Variants in TNIP2 observed in about 807,000 individuals in gnomAD.
TNIP2 encodes TNFAIP3-interacting protein 2.
In TNIP2, 30 loss-of-function variants were observed where a neutral mutation model predicts 43.7. That is an observed-to-expected ratio of 0.69 (90% CI 0.51 to 0.93). TNIP2 has a LOEUF of 0.93. Among genes scored for constraint, TNIP2 ranks in the 40% least tolerant of loss-of-function variants. The pLI is 0.00. For synonymous variants in TNIP2, 260 were observed against 254.6 expected (o/e 1.02, Z -0.20); for missense variants, 599 against 591.0 (o/e 1.01, Z -0.14).
intron 1 of TNIP2, among the ~76,000 whole-genome samples, chr4:2,748,853 G>A (rs1405582793): frequency 6.7e-6 from 1 of 150,062 alleles, no homozygotes; most frequent in African/African-American, 2.5e-5. Flanking sequence ...GAGTGCAGTG[G>A]CACAATCATG....
chr4:2,745,395 AC>A, intron 3 of TNIP2, 50 bp downstream of exon 3: 1 of 1,381,274 alleles, frequency 7.2e-7, no homozygotes, highest in African/African-American at 1.4e-5. Context: ...ACCCTCACTT[AC>A]AGTTTGTAAG....
chr4:2,743,254 A>T (rs1253661645), intron 5 of TNIP2, among the ~76,000 whole-genome samples: 2 of 152,036 alleles, frequency 1.3e-5, no homozygotes, highest in Non-Finnish European at 2.9e-5. Context: ...TTGAAAGGGA[A>T]CCAGAGGCCA....
Position 2,744,326 on chromosome 4 carries a change from C to T in TNIP2, c.1026+61G>A, listed in dbSNP as rs1212255507. The stretch of plus-strand genomic sequence containing the variant: ...GGCAGACACAGAAAGGCTCTAATCT[C>T]ATGAGAAGAGAAACAAAAACACTAA... On this transcript the variant is annotated intron_variant, in intron 5 of 5. Transcript: ENST00000315423. This position sits in a 1 kb window ranked among gnomAD's most constrained non-coding sequence, Gnocchi z 5.1. The T allele has an allele frequency of 1.2e-6, 2 of 1,608,052 alleles. No individual in the cohort carries two copies. The highest frequency in any genetic ancestry group is 3.4e-5 in the Admixed American group (2 of 59,652).
intron 2 of TNIP2, among the ~76,000 whole-genome samples, chr4:2,747,181 C>G (rs76167779): frequency 8.7e-4 from 133 of 152,370 alleles, no homozygotes; most frequent in African/African-American, 3.1e-3. Context: ...CCTGCATGCA[C>G]TCAGACACAC....
chr4:2,747,489 T>C, intron 2 of TNIP2, 166 bp downstream of exon 2: 2 of 733,306 alleles, frequency 2.7e-6, no homozygotes, highest in Non-Finnish European at 4.5e-6. Flanking sequence ...TCCATCATTT[T>C]AAAAGAAACC....
At chr4:2,755,932 C>T in intron 1 of TNIP2, 82 bp downstream of exon 1, 1 of 1,418,446 alleles carries the variant, frequency 7.0e-7, no homozygotes, top group Non-Finnish European at 9.1e-7. Flanking sequence ...GGACCCGGGG[C>T]CCGCTCGCTC....
intron 3 of TNIP2, 192 bp downstream of exon 3, chr4:2,745,254 G>T: frequency 3.3e-6 from 2 of 611,700 alleles, no homozygotes; most frequent in Non-Finnish European, 5.8e-6. Flanking sequence ...TTAATTTTAG[G>T]GGGATGGAGA....
At chr4:2,755,689 ATC>A (rs1722215794) in intron 1 of TNIP2, among the ~76,000 whole-genome samples, 1 of 40,966 alleles carries the variant, frequency 2.4e-5, no homozygotes, top group Admixed American at 3.2e-4. Flanking sequence ...CTGTTGCCCT[ATC>A]ACCCCCAGGA....
At position 2,744,309 on chromosome 4, in the gene TNIP2, CAGAA is replaced by C; in HGVS notation, c.1026+74_1026+77del. The C allele has an allele frequency of 6.3e-7, 1 of 1,579,014 alleles. No homozygotes were observed. Among genetic ancestry groups the C allele is most frequent in the Non-Finnish European group, 8.6e-7 (1 of 1,156,290 alleles). On this transcript the variant is annotated intron_variant, in intron 5 of 5. Coordinates refer to ENST00000315423, the MANE Select transcript of TNIP2 (RefSeq NM_024309.4). The surrounding 1 kb of genome is among the most constrained non-coding windows in gnomAD (Gnocchi z 5.1). The stretch of plus-strand genomic sequence containing the variant: ...CAGCAAATCAGGGCCTTGGCAGACA[CAGAA>C]AGGCTCTAATCTCATGAGAAGAGAA...
chr4:2,751,116 G>T (rs540433314), intron 1 of TNIP2, among the ~76,000 whole-genome samples: 24 of 152,320 alleles, frequency 1.6e-4, no homozygotes, highest in African/African-American at 5.8e-4. Context: ...TCCAGCCCCC[G>T]GGCTTCTGGC....
intron 1 of TNIP2, among the ~76,000 whole-genome samples, chr4:2,754,606 T>C (rs1722181827): frequency 6.6e-6 from 1 of 152,206 alleles, no homozygotes. Flanking sequence ...TTAGTAGAGA[T>C]GGGTTTTCAC....
intron 1 of TNIP2, among the ~76,000 whole-genome samples, chr4:2,749,096 C>T (rs1289723772): frequency 6.6e-6 from 1 of 152,148 alleles, no homozygotes; most frequent in Non-Finnish European, 1.5e-5. Flanking sequence ...CTGCCAAATT[C>T]TATTTTCACA....
chr4:2,754,590 G>C (rs1722181304), intron 1 of TNIP2, among the ~76,000 whole-genome samples: 2 of 152,174 alleles, frequency 1.3e-5, no homozygotes, highest in African/African-American at 2.4e-5. Flanking sequence ...CTAATTTTTT[G>C]TATTTTTAGT....
chr4:2,747,410 C>G (rs925094223), intron 2 of TNIP2: 1 of 471,088 alleles, frequency 2.1e-6, no homozygotes, highest in Non-Finnish European at 3.8e-6. Context: ...CACCTGGGAG[C>G]GGGGTCGGCC....
chr4:2,749,016 C>A (rs1722034615), intron 1 of TNIP2, among the ~76,000 whole-genome samples: 1 of 152,060 alleles, frequency 6.6e-6, no homozygotes. Flanking sequence ...GTCTTGAACT[C>A]CTGGGCTCAA....
Position 2,747,677 on chromosome 4 carries a change from A to G in TNIP2, c.545T>C (p.Val182Ala), listed in dbSNP as rs1721985740. The G allele has an allele frequency of 6.3e-7, 1 of 1,598,708 alleles. No individual in the cohort carries two copies. Among genetic ancestry groups the G allele is most frequent in the East Asian group, 2.2e-5 (1 of 44,824 alleles). Residue 182 changes from valine (V) to alanine (A), a missense_variant, in exon 2 of 6, where the codon GTG (valine) becomes GCG (alanine). Val to Ala is a moderately conservative substitution (Grantham distance 64). Transcript: ENST00000315423. ...LDERQHAQRN[V>A]GERSPDQSEH... ...TACCTGGTCAGGACTTCTCTCCCCC[A>G]CATTCCTTTGTGCATGCTGTCGTTC...
In TNIP2 at chr4:2,747,784, G is replaced by A; in HGVS notation, c.438C>T (p.Ser146=). 1 of 1,612,336 alleles carries A rather than the reference G, an allele frequency of 6.2e-7. No homozygotes were observed. The highest frequency in any genetic ancestry group is 1.3e-5 in the African/African-American group (1 of 75,064). ...GCAGCTGATGGGTCTCGTTGGCCAA[G>A]GAGCGGCACAGGACGTCACTGGCGG... ...ARAASDVLCR[S]LANETHQLRR... Residue 146 remains serine, a synonymous_variant, in exon 2 of 6, where the codon TCC becomes TCT. Transcript: ENST00000315423.
At position 2,744,464 on chromosome 4, in the gene TNIP2, G is replaced by T; in HGVS notation, c.949C>A (p.Arg317=). 6.2e-7 allele frequency: 1 copy of T among 1,614,160 alleles called. No individual in the cohort carries two copies. Among genetic ancestry groups the T allele is most frequent in the Non-Finnish European group, 8.5e-7 (1 of 1,179,990 alleles). Residue 317 remains arginine (R), a synonymous_variant, in exon 5 of 6, where the codon CGG becomes AGG. Transcript: ENST00000315423. The surrounding 1 kb of genome is among the most constrained non-coding windows in gnomAD (Gnocchi z 5.1). ...TGAATCCTACTTTGAGCCCGTTCCC[G>T]ATCGGCCCTTTCTGACATGAAGTCA... The part of the protein sequence containing the change: ...KDDFMSERAD[R]ERAQSRIQEL...
chr4:2,749,627 G>C (rs966165005), intron 1 of TNIP2, among the ~76,000 whole-genome samples: 6 of 152,124 alleles, frequency 3.9e-5, no homozygotes, highest in Non-Finnish European at 8.8e-5. Flanking sequence ...GGCGAGGAAG[G>C]GTCCTTCCCT....
Sources: gnomAD v4.1 joint callset for allele counts (sites outside exome capture counted in the v4.1 genomes callset) on GRCh38, gnomAD v4.1.1 for gene constraint, Gnocchi (gnomAD v3.1) non-coding constraint, MANE v1.5 for transcripts, NCBI Gene and HGNC (gene_info 2026-07-23, HGNC 2026-07-21) for gene names.